VTA1: variants seen among roughly 807,000 people sequenced by gnomAD.
VTA1 encodes the protein vacuolar protein sorting-associated protein VTA1 homolog.
A neutral mutation model predicts 36.9 loss-of-function variants in VTA1; 24 were observed. That is an observed-to-expected ratio of 0.65 (90% CI 0.47 to 0.91). The LOEUF (loss-of-function observed/expected upper bound fraction) is 0.91. Ranked by LOEUF, VTA1 falls within the 40% of genes least tolerant of loss-of-function variation. The probability of loss-of-function intolerance (pLI) is 0.00; values close to 1 mark genes in which losing one functional copy is unlikely to be tolerated. For synonymous variants in VTA1, 142 were observed against 130.2 expected, an observed-to-expected ratio of 1.09 and a Z score of -0.62; for missense variants, 393 against 377.2, an observed-to-expected ratio of 1.04 and a Z score of -0.35.
intron 1 of VTA1, among the ~76,000 whole-genome samples, chr6:142,160,500 T>C (rs556927513): frequency 6.6e-6 from 1 of 152,302 alleles, no homozygotes; most frequent in East Asian, 1.9e-4. Context: ...TTTAGACCTC[T>C]GCCCCTTAAT....
intron 7 of VTA1, 47 bp from the exon 8 acceptor site, chr6:142,218,451 C>A: frequency 6.3e-7 from 1 of 1,593,906 alleles, no homozygotes; most frequent in Non-Finnish European, 8.5e-7. Context: ...CCTTACAGAA[C>A]ACTTTTTATA....
intron 5 of VTA1, among the ~76,000 whole-genome samples, chr6:142,193,057 A>G (rs900262652): frequency 2.6e-5 from 4 of 152,104 alleles, no homozygotes; most frequent in African/African-American, 9.7e-5. Context: ...ATGCACATAG[A>G]TCACACGTTG....
chr6:142,214,291 A>G (rs916929924), intron 7 of VTA1, among the ~76,000 whole-genome samples: 1 of 152,102 alleles, frequency 6.6e-6, no homozygotes, highest in African/African-American at 2.4e-5. Flanking sequence ...AGTTCCCAAT[A>G]AGTTCCTCAT....
intron 4 of VTA1, among the ~76,000 whole-genome samples, chr6:142,174,454 A>C (rs1450787419): frequency 6.6e-6 from 1 of 152,256 alleles, no homozygotes; most frequent in East Asian, 1.9e-4. Context: ...TTAGAAATAA[A>C]TAACTTGCTT....
At chr6:142,154,576 A>T (rs528040000) in intron 1 of VTA1, among the ~76,000 whole-genome samples, 1 of 152,020 alleles carries the variant, frequency 6.6e-6, no homozygotes, top group South Asian at 2.1e-4. Flanking sequence ...ACCATTTTAC[A>T]CTCTTATTGG....
intron 4 of VTA1, among the ~76,000 whole-genome samples, chr6:142,186,255 A>G (rs1775337600): frequency 6.6e-6 from 1 of 152,176 alleles, no homozygotes; most frequent in African/African-American, 2.4e-5. Flanking sequence ...ATAGCTGGGT[A>G]GTAGTCAGTG....
At chr6:142,176,864 A>G (rs956159772) in intron 4 of VTA1, among the ~76,000 whole-genome samples, 8 of 152,124 alleles carry the variant, frequency 5.3e-5, no homozygotes, top group African/African-American at 1.9e-4. Context: ...GGATCCTGTT[A>G]TGGTCCTCCT....
At chr6:142,215,966 C>T (rs975043894) in intron 7 of VTA1, among the ~76,000 whole-genome samples, 1 of 152,050 alleles carries the variant, frequency 6.6e-6, no homozygotes, top group Non-Finnish European at 1.5e-5. Flanking sequence ...ATGAAGCCCT[C>T]TTATATATAG....
chr6:142,170,243 G>A, intron 3 of VTA1, 103 bp from the exon 4 acceptor site: 1 of 768,938 alleles, frequency 1.3e-6, no homozygotes, highest in South Asian at 1.6e-5. Context: ...GAATTTCAGA[G>A]TGCTTTTATA....
intron 6 of VTA1, chr6:142,198,870 TC>T (rs1171859744): frequency 3.9e-6 from 1 of 254,584 alleles, no homozygotes; most frequent in African/African-American, 2.2e-5. Flanking sequence ...AAGATTGGTT[TC>T]CATGCTTTTC....
intron 4 of VTA1, among the ~76,000 whole-genome samples, chr6:142,174,861 C>T (rs931643655): frequency 5.9e-5 from 9 of 152,144 alleles, no homozygotes; most frequent in Admixed American, 2.0e-4. Flanking sequence ...TCCTGCCTTG[C>T]GACACGCTGG....
At chr6:142,164,215 T>C (rs1774867406) in intron 1 of VTA1, among the ~76,000 whole-genome samples, 1 of 152,144 alleles carries the variant, frequency 6.6e-6, no homozygotes, top group African/African-American at 2.4e-5. Flanking sequence ...AAAGAGCATA[T>C]TAAGATTTAT....
chr6:142,150,635 A>G (rs550322002), intron 1 of VTA1, among the ~76,000 whole-genome samples: 115 of 152,350 alleles, frequency 7.5e-4, no homozygotes, highest in African/African-American at 2.4e-3. Context: ...GGCATTGGAT[A>G]GACCTTCCTA....
chr6:142,159,649 G>C (rs1244404477), intron 1 of VTA1, among the ~76,000 whole-genome samples: 1 of 151,488 alleles, frequency 6.6e-6, no homozygotes, highest in Non-Finnish European at 1.5e-5. Context: ...TAGTAGCTGG[G>C]ACTACAGGTG....
intron 7 of VTA1, among the ~76,000 whole-genome samples, chr6:142,214,708 C>A (rs1265345941): frequency 6.6e-6 from 1 of 152,126 alleles, no homozygotes; most frequent in Non-Finnish European, 1.5e-5. Flanking sequence ...TGGATCAATG[C>A]AGGTTCATCG....
intron 1 of VTA1, among the ~76,000 whole-genome samples, chr6:142,157,870 G>A (rs1164062199): frequency 7.3e-6 from 1 of 137,434 alleles, no homozygotes; most frequent in Non-Finnish European, 1.6e-5. Context: ...ACTATTTTGG[G>A]TTTTTTTTTT....
At chr6:142,203,302 A>T (rs553425350) in intron 6 of VTA1, among the ~76,000 whole-genome samples, 1 of 152,062 alleles carries the variant, frequency 6.6e-6, no homozygotes, top group East Asian at 1.9e-4. Context: ...AGACTGTTTA[A>T]CTCCATTGAT....
At position 142,222,666 on chromosome 6, in the gene VTA1, A is replaced by ACCCATTTCTATTTTTTTTTTCT. The variant is rs1562274665; in HGVS notation, c.*4023_*4024insCCCATTTCTATTTTTTTTTTCT. 1.4e-4 allele frequency: 7 copies of ACCCATTTCTATTTTTTTTTTCT among 51,230 alleles called. No homozygotes were observed. The highest frequency in any genetic ancestry group is 1.8e-4 in the Non-Finnish European group (3 of 16,576). The allele number at this position is 51,230 out of a possible 1,614,324, so 3.2% of individuals were successfully genotyped here. The stretch of plus-strand genomic sequence containing the variant: ...ATGGAGTTGATGGGTTTTGGTTTTC[A>ACCCATTTCTATTTTTTTTTTCT]TATGAGAAGTATCCTTCCCTGGTTG... On this transcript the variant is annotated 3_prime_UTR_variant, in exon 8 of 8. Transcript: ENST00000367630.
Position 142,169,753 on chromosome 6 carries a change from A to G in VTA1, c.335+76A>G, listed in dbSNP as rs1041171256. The G allele has an allele frequency of 5.9e-5, 76 of 1,288,788 alleles. 1 individual carries two copies. The highest frequency in any genetic ancestry group is 7.1e-6 in the Non-Finnish European group (7 of 985,428). 79.8% of individuals were successfully genotyped at this position (1,288,788 alleles called of 1,614,324 possible). Reference sequence around the variant, plus strand: ...ACCAAAATTAACTAGTTTTCTCTGGAACACTTTCTAACCTGCTGATTGATT... The same window carrying G: ...ACCAAAATTAACTAGTTTTCTCTGGGACACTTTCTAACCTGCTGATTGATT... On this transcript the variant is annotated intron_variant, in intron 3 of 7. Coordinates refer to ENST00000367630, the MANE Select transcript of VTA1 (RefSeq NM_016485.5).
Sources: gnomAD v4.1 joint callset for allele counts (sites outside exome capture counted in the v4.1 genomes callset) on GRCh38, gnomAD v4.1.1 for gene constraint, MANE v1.5 for transcripts, NCBI Gene and HGNC (gene_info 2026-07-23, HGNC 2026-07-21) for gene names.